Variants in DPRX observed in about 807,000 individuals in gnomAD.
DPRX encodes divergent-paired related homeobox, also known as divergent paired-related homeobox.
A neutral mutation model predicts 8.4 loss-of-function variants in DPRX; 11 were observed. The ratio of observed to expected loss-of-function variants is 1.31; its 90% CI spans 0.82 to 2.17. The LOEUF is 2.17. Ranked by LOEUF, DPRX falls within the 30% of genes most tolerant of loss-of-function variation. The pLI, the probability that DPRX is intolerant of heterozygous loss-of-function variation, is 0.00. For missense variants in DPRX, 211 were observed against 236.7 expected, an observed-to-expected ratio of 0.89 and a Z score of 0.71; for synonymous variants, 72 against 87.0, an observed-to-expected ratio of 0.83 and a Z score of 0.96.
the DPRX span, chr19:53,616,790 T>C: frequency 6.3e-7 from 1 of 1,575,534 alleles, no homozygotes; most frequent in Non-Finnish European, 8.7e-7. Context: ...AGAATGGCCC[T>C]TGCTGCCACC....
At chr19:53,635,980 G>C (rs1397624599) in intron 2 of DPRX, among the ~76,000 whole-genome samples, 2 of 152,008 alleles carry the variant, frequency 1.3e-5, no homozygotes, top group African/African-American at 4.8e-5. Context: ...CTCCTTCCTG[G>C]GAGTAGATTG....
At chr19:53,606,701 G>A in the DPRX span, 10 of 150,196 alleles carry the variant, frequency 6.7e-5, no homozygotes, top group African/African-American at 2.0e-4. This position sits in a 1 kb window ranked among gnomAD's most constrained non-coding sequence, Gnocchi z 4.8. Context: ...TGCACCGGGC[G>A]GTGAGGGTGG....
upstream of DPRX, among the ~76,000 whole-genome samples, chr19:53,628,653 G>A (rs1366453518): frequency 6.6e-6 from 1 of 151,582 alleles, no homozygotes; most frequent in Non-Finnish European, 1.5e-5. Flanking sequence ...GCAATGACAC[G>A]ATCTCCACTC....
chr19:53,609,580 TACCGGCTGGCC>T, the DPRX span, among the ~76,000 whole-genome samples: 1 of 149,514 alleles, frequency 6.7e-6, no homozygotes, highest in South Asian at 2.1e-4. Flanking sequence ...TCCACGTGTG[TACCGGCTGGCC>T]ACCGTGGCTC....
At chr19:53,631,725 G>A (rs4801995), upstream of DPRX, among the ~76,000 whole-genome samples, 138,596 of 152,052 alleles carry the variant, frequency 0.91, 63,242 homozygotes, top group African/African-American at 0.95. Context: ...GTGTCATTGC[G>A]CTCCAGCCTG....
chr19:53,625,384 A>T, the DPRX span, among the ~76,000 whole-genome samples: 1 of 152,098 alleles, frequency 6.6e-6, no homozygotes, highest in Non-Finnish European at 1.5e-5. Context: ...CCAGGCTGTG[A>T]TAATGAGCTC....
chr19:53,603,145 A>G, the DPRX span, among the ~76,000 whole-genome samples: 1 of 150,970 alleles, frequency 6.6e-6, no homozygotes, highest in African/African-American at 2.4e-5. Flanking sequence ...TCGACTGCCC[A>G]GGCTCAAGCA....
At chr19:53,625,691 G>A in the DPRX span, among the ~76,000 whole-genome samples, 1 of 151,364 alleles carries the variant, frequency 6.6e-6, no homozygotes. Context: ...AGGCTGGAGG[G>A]CAATGGTGTG....
upstream of DPRX, among the ~76,000 whole-genome samples, chr19:53,627,442 T>TC (rs1205561868): frequency 4.0e-5 from 6 of 148,766 alleles, no homozygotes; most frequent in South Asian, 2.1e-4. Context: ...TTTCTTTCTT[T>TC]TTTTTTTTTT....
the DPRX span, chr19:53,601,249 C>T: frequency 1.3e-5 from 6 of 455,410 alleles, no homozygotes; most frequent in Admixed American, 1.2e-4. Context: ...CTCTTTTTTT[C>T]CAGGAAGCCA....
chr19:53,634,772 A>C (rs1425142193), intron 2 of DPRX, 87 bp downstream of exon 2: 1 of 1,491,956 alleles, frequency 6.7e-7, no homozygotes. Flanking sequence ...CTGAGGTCTC[A>C]TTCCAATCGC....
At chr19:53,634,722 C>G in intron 2 of DPRX, 37 bp downstream of exon 2, 1 of 1,592,344 alleles carries the variant, frequency 6.3e-7, no homozygotes, top group Non-Finnish European at 8.5e-7. Flanking sequence ...AAACTGCCTT[C>G]CTGATCTAAT....
chr19:53,602,108 G>C, the DPRX span: 1 of 456,692 alleles, frequency 2.2e-6, no homozygotes, highest in South Asian at 1.5e-5. Context: ...GCTCTCCAGA[G>C]AACAGGCGTT....
the DPRX span, chr19:53,603,585 C>T: frequency 0.19 from 66,811 of 344,284 alleles, 7,700 homozygotes; most frequent in East Asian, 0.38. Context: ...TAACCCAGGT[C>T]CCTGTTCATC....
chr19:53,615,858 T>C, the DPRX span, among the ~76,000 whole-genome samples: 1 of 152,064 alleles, frequency 6.6e-6, no homozygotes, highest in Non-Finnish European at 1.5e-5. Flanking sequence ...ATCCTAGCAC[T>C]TTGGGAGGCC....
At chr19:53,621,520 G>A in the DPRX span, among the ~76,000 whole-genome samples, 15 of 152,092 alleles carry the variant, frequency 9.9e-5, no homozygotes, top group Non-Finnish European at 2.9e-5. Context: ...TACAGGCCAG[G>A]CATGGTGGCT....
At chr19:53,631,958 G>A (rs920631194), upstream of DPRX, 4 of 1,026,174 alleles carry the variant, frequency 3.9e-6, no homozygotes, top group East Asian at 4.9e-5. Context: ...CTGGAGGACC[G>A]AGGGATCATA....
At chr19:53,617,245 T>G in the DPRX span, 1 of 777,154 alleles carries the variant, frequency 1.3e-6, no homozygotes, top group South Asian at 1.3e-5. Flanking sequence ...CCGGGCTCTC[T>G]GATGGGTTAG....
At chr19:53,630,542 T>A (rs576762788), upstream of DPRX, among the ~76,000 whole-genome samples, 12 of 151,936 alleles carry the variant, frequency 7.9e-5, 1 homozygote, top group South Asian at 2.1e-3. Flanking sequence ...TAGGCCTTTG[T>A]AGTCACAGCT....
Sources: allele counts gnomAD v4.1 joint callset (sites outside exome capture counted in the v4.1 genomes callset), GRCh38; gene constraint gnomAD v4.1.1; non-coding constraint Gnocchi (gnomAD v3.1); transcripts MANE v1.5; gene names NCBI Gene and HGNC (gene_info 2026-07-23, HGNC 2026-07-21).